CCDC88C: variants seen among roughly 807,000 people sequenced by gnomAD.
CCDC88C encodes coiled-coil and HOOK domain protein 88C, also known as protein Daple.
CCDC88C carries 131 observed loss-of-function variants against 198.8 expected under a neutral mutation model. The observed-to-expected ratio is 0.66, with a 90% CI of 0.57 to 0.76. The LOEUF (loss-of-function observed/expected upper bound fraction) is 0.76. Ranked by LOEUF, CCDC88C falls within the 30% of genes least tolerant of loss-of-function variation. CCDC88C has a pLI of 0.00. For missense variants in CCDC88C, 2,553 were observed against 2,631.6 expected, an observed-to-expected ratio of 0.97 and a Z score of 0.65; for synonymous variants, 1,166 against 1,114.7, an observed-to-expected ratio of 1.05 and a Z score of -0.92.
At chr14:91,354,028 T>C (rs941916) in intron 4 of CCDC88C, among the ~76,000 whole-genome samples, 102,970 of 152,074 alleles carry the variant, frequency 0.68, 35,226 homozygotes, top group Non-Finnish European at 0.71. Flanking sequence ...GTGTGAAATC[T>C]GTCTTGCGCC....
At chr14:91,334,554 G>T (rs1285773) in intron 10 of CCDC88C, among the ~76,000 whole-genome samples, 1,829 of 152,260 alleles carry the variant, frequency 0.012, 29 homozygotes, top group East Asian at 0.022. Context: ...GGGCCACAGA[G>T]GTGTCTCTTC....
At chr14:91,278,878 C>T (rs1021456859) in intron 28 of CCDC88C, among the ~76,000 whole-genome samples, 4 of 146,260 alleles carry the variant, frequency 2.7e-5, no homozygotes, top group African/African-American at 1.0e-4. Context: ...AGAGCCAAAC[C>T]ACCAAATACA....
intron 26 of CCDC88C, among the ~76,000 whole-genome samples, chr14:91,283,079 G>C (rs1266421575): frequency 6.6e-6 from 1 of 152,218 alleles, no homozygotes; most frequent in Non-Finnish European, 1.5e-5. Flanking sequence ...TTCATTTCCT[G>C]AATGCCGGTG....
In CCDC88C at chr14:91,339,923, G is replaced by C. The variant is rs1272149017; in HGVS notation, c.585C>G (p.His195Gln). ...LEALSRSMVL[H>Q]LRRLIDQRDE... Reference sequence around the variant, plus strand: ...CCCGCTGGTCGATGAGCCTCCGCAGGTGGAGCACCATGCTCCTCGACAGGG... The same window carrying C: ...CCCGCTGGTCGATGAGCCTCCGCAGCTGGAGCACCATGCTCCTCGACAGGG... Residue 195 changes from histidine (H) to glutamine (Q), a missense_variant, in exon 7 of 30, where the codon CAC becomes CAG. Around this residue, in one of 2 missense-constraint regions of CCDC88C, gnomAD observed 1,260 missense variants for 1,412.0 expected, o/e 0.89. Transcript: ENST00000389857. The surrounding 1 kb of genome is among the most constrained non-coding windows in gnomAD (Gnocchi z 5.8). The C allele has an allele frequency of 6.3e-7, 1 of 1,594,920 alleles. No homozygotes were observed. Among genetic ancestry groups the C allele is most frequent in the Admixed American group, 1.7e-5 (1 of 57,748 alleles).
rs995065254 is a variant in CCDC88C at position 91,339,546 on chromosome 14, C to G, written c.625-84G>C. The G allele has an allele frequency of 7.8e-7, 1 of 1,287,794 alleles. No individual in the cohort carries two copies. The allele number at this position is 1,287,794 out of a possible 1,614,324, so 79.8% of individuals were successfully genotyped here. A position where few individuals can be genotyped will look rare whatever the true frequency, so the allele number is the denominator to read the frequency against. The stretch of plus-strand genomic sequence containing the variant: ...CTGAGCTTGAACAGGGTGAAGAAAC[C>G]GCCAAAAGACAGATATTTCAGCGGA... On this transcript the variant is annotated intron_variant, in intron 7 of 29. Transcript: ENST00000389857. The surrounding 1 kb of genome is among the most constrained non-coding windows in gnomAD (Gnocchi z 5.8).
intron 13 of CCDC88C, among the ~76,000 whole-genome samples, chr14:91,316,163 T>C (rs894169503): frequency 6.6e-6 from 1 of 152,100 alleles, no homozygotes; most frequent in African/African-American, 2.4e-5. Context: ...CTCTGTTATA[T>C]CTCTTCCTCT....
intron 3 of CCDC88C, among the ~76,000 whole-genome samples, chr14:91,389,606 G>A (rs1419981038): frequency 3.3e-5 from 5 of 152,218 alleles, no homozygotes; most frequent in Admixed American, 2.0e-4. Flanking sequence ...TTGGCTGGGC[G>A]TGGTGGCTCA....
In CCDC88C at chr14:91,297,524, TGAA is replaced by T. The variant is rs767443959; in HGVS notation, c.3780-36_3780-34del. The T allele has an allele frequency of 5.2e-6, 8 of 1,546,480 alleles. No individual in the cohort carries two copies. The Admixed American group carries it at 7.9e-5, about 15-fold the overall frequency. ...AGGAAGAGTCACAGGGCAAAGGAGCTGAAGAGCCTGACAAACAGGTAACGGCCC... is the reference window on the plus strand; with the variant it reads ...AGGAAGAGTCACAGGGCAAAGGAGCTGAGCCTGACAAACAGGTAACGGCCC... On this transcript the variant is annotated intron_variant, in intron 21 of 29. Transcript: ENST00000389857.
chr14:91,325,926 A>G lies in CCDC88C; in HGVS notation c.1181T>C (p.Leu394Pro). 3 of 1,553,146 alleles carry G rather than the reference A, an allele frequency of 1.9e-6. No homozygotes were observed. The highest frequency in any genetic ancestry group is 2.6e-6 in the Non-Finnish European group (3 of 1,147,670). The part of the protein sequence containing the change: ...EKENLQLKSK[L>P]HDLELDRDTD... ...CTGCAGTACCAATTCCAGGTCGTGA[A>G]GCTTGGATTTCAGCTGCAGGTTCTC... The change falls in exon 11 of 30, where the codon CTT becomes CCT. Residue 394 changes from leucine to proline, a missense_variant. Coordinates refer to ENST00000389857, the MANE Select transcript of CCDC88C (RefSeq NM_001080414.4). This position sits in a 1 kb window ranked among gnomAD's most constrained non-coding sequence, Gnocchi z 4.1.
chr14:91,408,859 C>A, intron 2 of CCDC88C, 92 bp from the exon 3 acceptor site: 2 of 781,082 alleles, frequency 2.6e-6, no homozygotes, highest in South Asian at 3.1e-5. Context: ...GTCCTCCAGT[C>A]CCTAGGTGAC....
chr14:91,280,334 G>A (rs182108134), intron 27 of CCDC88C, among the ~76,000 whole-genome samples: 6 of 152,188 alleles, frequency 3.9e-5, no homozygotes, highest in Non-Finnish European at 7.3e-5. Context: ...CAAGGGCTGA[G>A]GTGCTCTGCA....
At chr14:91,326,137 TTCAGGCA>T in intron 10 of CCDC88C, 81 bp from the exon 11 acceptor site, 1 of 1,311,126 alleles carries the variant, frequency 7.6e-7, no homozygotes, top group Non-Finnish European at 1.1e-6. Context: ...CCAAAACTCT[TTCAGGCA>T]TCTGGACCCA....
chr14:91,320,024 CAAAA>C (rs61102058), intron 13 of CCDC88C, among the ~76,000 whole-genome samples: 6 of 24,176 alleles, frequency 2.5e-4, no homozygotes, highest in East Asian at 1.3e-3. Flanking sequence ...AACTCAGTCT[CAAAA>C]AAAAAAAAAA....
chr14:91,414,365 C>A (rs1157540709), intron 2 of CCDC88C, among the ~76,000 whole-genome samples: 1 of 152,142 alleles, frequency 6.6e-6, no homozygotes, highest in South Asian at 2.1e-4. Context: ...AAAAGGGAGG[C>A]CAAGGGTTTG....
intron 28 of CCDC88C, 28 bp downstream of exon 28, chr14:91,279,210 T>C (rs1890097346): frequency 6.4e-7 from 1 of 1,564,248 alleles, no homozygotes; most frequent in Non-Finnish European, 8.7e-7. Flanking sequence ...AATCAATTTT[T>C]AAAAGTACAC....
chr14:91,317,229 T>C (rs998940634), intron 13 of CCDC88C, among the ~76,000 whole-genome samples: 1 of 152,248 alleles, frequency 6.6e-6, no homozygotes, highest in African/African-American at 2.4e-5. Context: ...AAAGATGTTT[T>C]AACTTCAGGG....
Position 91,284,718 on chromosome 14 carries a change from A to C in CCDC88C, c.4442-1201T>G, listed in dbSNP as rs1890334043. ...TTTTAGTAATTATGTGTTTATTCTTATGATTACCTTGTTTTTATGATGATA... is the reference window on the plus strand; with the variant it reads ...TTTTAGTAATTATGTGTTTATTCTTCTGATTACCTTGTTTTTATGATGATA... On this transcript the variant is annotated intron_variant, in intron 25 of 29. Transcript: ENST00000389857. This position sits in a 1 kb window ranked among gnomAD's most constrained non-coding sequence, Gnocchi z 4.1. Among the ~76,000 whole-genome samples, 1 of 152,224 alleles carries C rather than the reference A, an allele frequency of 6.6e-6. No homozygotes were observed. The highest frequency in any genetic ancestry group is 2.1e-4 in the South Asian group (1 of 4,832).
intron 23 of CCDC88C, among the ~76,000 whole-genome samples, 166 bp downstream of exon 23, chr14:91,294,007 C>T (rs1247097787): frequency 6.6e-6 from 1 of 152,184 alleles, no homozygotes; most frequent in South Asian, 2.1e-4. Context: ...TGAGAACATT[C>T]CAGGAAACTA....
intron 25 of CCDC88C, among the ~76,000 whole-genome samples, chr14:91,286,413 AAAC>A (rs1241503329): frequency 6.6e-6 from 1 of 152,246 alleles, no homozygotes; most frequent in Non-Finnish European, 1.5e-5. Context: ...ATACTAAAAA[AAAC>A]CCTTCAACAC....
Sources: allele counts gnomAD v4.1 joint callset (sites outside exome capture counted in the v4.1 genomes callset), GRCh38; gene constraint gnomAD v4.1.1; regional missense constraint gnomAD v4.1.1; non-coding constraint Gnocchi (gnomAD v3.1); transcripts MANE v1.5; gene names NCBI Gene and HGNC (gene_info 2026-07-23, HGNC 2026-07-21).